The following ETV6 variants were observed in gnomAD, a reference collection of about 807,000 sequenced individuals.
ETV6 encodes ETS variant transcription factor 6, also known as transcription factor ETV6.
In ETV6, 16 loss-of-function variants were observed where a neutral mutation model predicts 51.1. The observed-to-expected ratio is 0.31, with a 90% CI of 0.21 to 0.48. The LOEUF is 0.48. Among genes scored for constraint, ETV6 ranks in the 20% least tolerant of loss-of-function variants. The probability of loss-of-function intolerance (pLI) is 0.99; values close to 1 mark genes in which losing one functional copy is unlikely to be tolerated. For missense variants in ETV6, 458 were observed against 594.8 expected (o/e 0.77, Z 2.39); for synonymous variants, 240 against 224.1 (o/e 1.07, Z -0.64).
rs1317780895 is a variant in ETV6, at chr12:11,895,296, A to AAC, written c.*4251_*4252insCA. The AAC allele has an allele frequency of 4.3e-6, 1 of 232,612 alleles. No homozygotes were observed. Among genetic ancestry groups the AAC allele is most frequent in the East Asian group, 6.1e-5 (1 of 16,496 alleles). The allele number at this position is 232,612 out of a possible 1,614,324, so 14.4% of individuals were successfully genotyped here. On this transcript the variant is annotated 3_prime_UTR_variant, in exon 8 of 8. Coordinates refer to ENST00000396373, the MANE Select transcript of ETV6 (RefSeq NM_001987.5). ...AATGAATGTAACAAAAAAGAAAAAA[A>AAC]AAACAAAAAAAAATGCCTTTTCTCA...
At chr12:11,843,820 AAAT>A (rs1946423394) in intron 3 of ETV6, among the ~76,000 whole-genome samples, 1 of 152,202 alleles carries the variant, frequency 6.6e-6, no homozygotes, top group African/African-American at 2.4e-5. Context: ...AGTGTGCTTT[AAAT>A]AATTATATGG....
intron 7 of ETV6, among the ~76,000 whole-genome samples, chr12:11,888,571 T>C (rs1465744600): frequency 6.6e-6 from 1 of 152,012 alleles, no homozygotes; most frequent in African/African-American, 2.4e-5. Flanking sequence ...CCTGACTAAT[T>C]TTTGTATTTT....
intron 2 of ETV6, among the ~76,000 whole-genome samples, chr12:11,759,649 C>T (rs1159809232): frequency 6.6e-6 from 1 of 152,202 alleles, no homozygotes; most frequent in Non-Finnish European, 1.5e-5. Flanking sequence ...CTCAATACGT[C>T]TGTGGTCTTT....
At chr12:11,826,191 A>G (rs1946151047) in intron 2 of ETV6, among the ~76,000 whole-genome samples, 1 of 152,142 alleles carries the variant, frequency 6.6e-6, no homozygotes, top group South Asian at 2.1e-4. Flanking sequence ...CAGACCGCCC[A>G]GAGACCTCAC....
chr12:11,888,988 C>T (rs905058501), intron 7 of ETV6, among the ~76,000 whole-genome samples: 3 of 151,976 alleles, frequency 2.0e-5, no homozygotes, highest in Admixed American at 6.6e-5. Context: ...ATTATAAGCT[C>T]CTAGAAGGTA....
At chr12:11,724,813 C>G (rs1425013783) in intron 1 of ETV6, among the ~76,000 whole-genome samples, 2 of 152,178 alleles carry the variant, frequency 1.3e-5, no homozygotes, top group African/African-American at 2.4e-5. Flanking sequence ...GCACGAGACC[C>G]TTGCAGGTTT....
Position 11,869,727 on chromosome 12 carries a change from C to A in ETV6, c.767C>A (p.Ser256Tyr). The A allele has an allele frequency of 6.2e-7, 1 of 1,613,968 alleles. No homozygotes were observed. The highest frequency in any genetic ancestry group is 8.5e-7 in the Non-Finnish European group (1 of 1,180,040). ...TCCTCCGAGTCCCACCCGAAGCCAT[C>A]CAGCCCCCGGCAGGAGAGCACACGC... The part of the protein sequence containing the change: ...PASSESHPKP[S>Y]SPRQESTRVI... The change falls in exon 5 of 8, where the codon TCC becomes TAC. Residue 256 changes from serine (S) to tyrosine (Y), a missense_variant. Ser to Tyr is a moderately radical substitution (Grantham distance 144). Coordinates refer to ENST00000396373, the MANE Select transcript of ETV6 (RefSeq NM_001987.5). The surrounding 1 kb of genome is among the most constrained non-coding windows in gnomAD (Gnocchi z 5.0).
intron 1 of ETV6, among the ~76,000 whole-genome samples, chr12:11,674,490 G>T (rs1483277777): frequency 6.6e-6 from 1 of 152,082 alleles, no homozygotes; most frequent in African/African-American, 2.4e-5. Context: ...AGGAGACAGT[G>T]GTTTTAATAT....
chr12:11,741,312 C>T (rs55682120), intron 1 of ETV6, among the ~76,000 whole-genome samples: 7,629 of 152,232 alleles, frequency 0.05, 616 homozygotes, highest in African/African-American at 0.17. Flanking sequence ...CAGTGGTTCC[C>T]CAATCTCCAA....
chr12:11,670,359 T>C (rs998482890), intron 1 of ETV6, among the ~76,000 whole-genome samples: 1 of 152,250 alleles, frequency 6.6e-6, no homozygotes, highest in African/African-American at 2.4e-5. Context: ...CTTACTTCGT[T>C]TGGGTAAGAA....
intron 2 of ETV6, among the ~76,000 whole-genome samples, chr12:11,784,458 CAAAA>C (rs33973168): frequency 5.1e-5 from 6 of 118,268 alleles, no homozygotes; most frequent in Admixed American, 1.7e-4. Flanking sequence ...GACTCCATCT[CAAAA>C]AAAAAAAAAA....
At chr12:11,791,123 C>T (rs1945581666) in intron 2 of ETV6, among the ~76,000 whole-genome samples, 2 of 152,336 alleles carry the variant, frequency 1.3e-5, no homozygotes, top group South Asian at 4.1e-4. Flanking sequence ...TCTTTCCTTA[C>T]TATGAGTTTA....
intron 1 of ETV6, among the ~76,000 whole-genome samples, chr12:11,735,931 A>G (rs1005817447): frequency 5.3e-5 from 8 of 152,358 alleles, no homozygotes; most frequent in Middle Eastern, 3.4e-3. Flanking sequence ...GTTGTATAAC[A>G]TTGCTGAATC....
At chr12:11,887,108 C>T (rs748249622) in intron 7 of ETV6, among the ~76,000 whole-genome samples, 11 of 151,954 alleles carry the variant, frequency 7.2e-5, no homozygotes, top group East Asian at 5.8e-4. Flanking sequence ...TCAAAAGAAA[C>T]GGGAAAGGCT....
At chr12:11,860,374 C>T (rs1200536510) in intron 4 of ETV6, among the ~76,000 whole-genome samples, 2 of 152,162 alleles carry the variant, frequency 1.3e-5, no homozygotes, top group African/African-American at 4.8e-5. Context: ...TATATGCGTG[C>T]ACTCTACATC....
intron 7 of ETV6, among the ~76,000 whole-genome samples, chr12:11,889,203 G>A (rs1372953816): frequency 6.6e-6 from 1 of 152,092 alleles, no homozygotes; most frequent in Non-Finnish European, 1.5e-5. Context: ...TTTTAGTTAG[G>A]GGATAAAAGA....
chr12:11,666,501 G>C (rs1864196926), intron 1 of ETV6, among the ~76,000 whole-genome samples: 1 of 152,202 alleles, frequency 6.6e-6, no homozygotes, highest in Non-Finnish European at 1.5e-5. Flanking sequence ...TTTATTTAAA[G>C]AGGGCAGTCT....
In ETV6 at chr12:11,869,389, T is replaced by TGGG; in HGVS notation, c.464-33_464-31dup. On this transcript the variant is annotated intron_variant, in intron 4 of 7. Transcript: ENST00000396373. The surrounding 1 kb of genome is among the most constrained non-coding windows in gnomAD (Gnocchi z 5.0). ...GGAGTTTCCTGTCCTGCCAACTCACTGGGGTCTGTGATTGTCTTTCCCTCT... is the reference window on the plus strand; with the variant it reads ...GGAGTTTCCTGTCCTGCCAACTCACTGGGGGGGTCTGTGATTGTCTTTCCCTCT... 6.4e-7 allele frequency: 1 copy of TGGG among 1,570,392 alleles called. No individual in the cohort carries two copies. The highest frequency in any genetic ancestry group is 2.2e-5 in the East Asian group (1 of 44,530).
In ETV6 at chr12:11,874,462, A is replaced by ATATACACACACGTGTATGTGCGTGTG. The variant is rs1946934271; in HGVS notation, c.1009+4495_1009+4496insTACACACACGTGTATGTGCGTGTGTA. ...TGTATATATATATGCGTATGTATAT[A>ATATACACACACGTGTATGTGCGTGTG]TACACACACACGTGTATGTGCGTGT... is the stretch of plus-strand genomic sequence containing the variant. On this transcript the variant is annotated intron_variant, in intron 5 of 7. Transcript: ENST00000396373. Among the ~76,000 whole-genome samples, 2 of 144,000 alleles carry ATATACACACACGTGTATGTGCGTGTG rather than the reference A, an allele frequency of 1.4e-5. 1 individual carries two copies. Among genetic ancestry groups the ATATACACACACGTGTATGTGCGTGTG allele is most frequent in the Non-Finnish European group, 3.0e-5 (2 of 66,000 alleles). The allele number at this position is 144,000 out of a possible 152,430, so 94.5% of individuals were successfully genotyped here.
Sources: allele counts gnomAD v4.1 joint callset (sites outside exome capture counted in the v4.1 genomes callset), GRCh38; gene constraint gnomAD v4.1.1; non-coding constraint Gnocchi (gnomAD v3.1); transcripts MANE v1.5; gene names NCBI Gene and HGNC (gene_info 2026-07-23, HGNC 2026-07-21).